Variants in CHRNE observed in about 807,000 individuals in gnomAD.
CHRNE encodes acetylcholine receptor subunit epsilon.
Under a neutral mutation model 56.5 loss-of-function variants are expected in CHRNE, and 58 were observed. The observed-to-expected ratio is 1.03, with a 90% confidence interval of 0.83 to 1.28. CHRNE has a LOEUF of 1.28. Among genes scored for constraint, CHRNE ranks in the 50% most tolerant of loss-of-function variants. CHRNE has a pLI of 0.00. For synonymous variants in CHRNE, 385 were observed against 297.9 expected (o/e 1.29, Z -3.01); for missense variants, 793 against 688.9 (o/e 1.15, Z -1.69).
chr17:4,905,275 A>AC (rs1970076859), upstream of CHRNE, among the ~76,000 whole-genome samples: 2 of 152,206 alleles, frequency 1.3e-5, no homozygotes, highest in African/African-American at 4.8e-5. Flanking sequence ...TTGGCCAGGC[A>AC]CAGTGGCTCA....
At chr17:4,901,220 G>C (rs780681661) in intron 6 of CHRNE, 30 bp from the exon 7 acceptor site, 10 of 1,592,740 alleles carry the variant, frequency 6.3e-6, no homozygotes, top group Non-Finnish European at 7.7e-6. Context: ...TCAGCTGGCT[G>C]TCAGAGCGGG....
At chr17:4,906,546 CA>C (rs1268684213), upstream of CHRNE, among the ~76,000 whole-genome samples, 6 of 152,022 alleles carry the variant, frequency 3.9e-5, no homozygotes, top group Non-Finnish European at 7.4e-5. Flanking sequence ...AGACGCTTCT[CA>C]AAATAAGACA....
upstream of CHRNE, among the ~76,000 whole-genome samples, chr17:4,906,281 T>A (rs1451808034): frequency 6.6e-6 from 1 of 152,130 alleles, no homozygotes. Flanking sequence ...ACACCACATG[T>A]CTGGTAATTC....
At chr17:4,904,912 C>G (rs1297791350), upstream of CHRNE, among the ~76,000 whole-genome samples, 2 of 152,206 alleles carry the variant, frequency 1.3e-5, no homozygotes, top group African/African-American at 4.8e-5. Flanking sequence ...CCATTTCAGA[C>G]TCCCTTTCTG....
At chr17:4,904,944 C>T (rs1450678423), upstream of CHRNE, among the ~76,000 whole-genome samples, 1 of 152,234 alleles carries the variant, frequency 6.6e-6, no homozygotes, top group African/African-American at 2.4e-5. Context: ...CCCAGCTTAC[C>T]TCTTTGCATG....
chr17:4,904,760 C>A (rs560120131), upstream of CHRNE, among the ~76,000 whole-genome samples: 43 of 152,298 alleles, frequency 2.8e-4, no homozygotes, highest in African/African-American at 9.1e-4. Context: ...TTTGGGTCTC[C>A]TTCCCCCACC....
At chr17:4,903,374 G>A (rs775757987), upstream of CHRNE, among the ~76,000 whole-genome samples, 1 of 152,178 alleles carries the variant, frequency 6.6e-6, no homozygotes, top group African/African-American at 2.4e-5. Context: ...AGCAGGGGGT[G>A]GGAGACACTG....
intron 8 of CHRNE, 95 bp from the exon 9 acceptor site, chr17:4,899,677 G>A: frequency 6.9e-7 from 1 of 1,442,936 alleles, no homozygotes; most frequent in South Asian, 1.2e-5. Context: ...TCCTGGTACG[G>A]GCTGGTTACG....
Position 4,902,006 on chromosome 17 carries a change from G to A in CHRNE, c.426C>T (p.Ala142=), listed in dbSNP as rs1970007044. The change falls in exon 5 of 12, where the codon GCC becomes GCT. Residue 142 remains alanine, a synonymous_variant. Transcript: ENST00000649488. The surrounding 1 kb of genome is among the most constrained non-coding windows in gnomAD (Gnocchi z 4.0). ...CCACTGCGCAGACGCTGCGGTAGAT[G>A]GCCGGAGGCAGCCACGTCACGGAGC... The part of the protein sequence containing the change: ...EGGSVTWLPP[A]IYRSVCAVEV... 2 of 1,614,096 alleles carry A rather than the reference G, an allele frequency of 1.2e-6. No homozygotes were observed. Among genetic ancestry groups the A allele is most frequent in the East Asian group, 2.2e-5 (1 of 44,880 alleles).
rs1225537395 is a variant in CHRNE, at chr17:4,902,376, G to T, written c.235-50C>A. The T allele has an allele frequency of 6.2e-7, 1 of 1,613,150 alleles. No individual in the cohort carries two copies. Among genetic ancestry groups the T allele is most frequent in the Non-Finnish European group, 8.5e-7 (1 of 1,179,058 alleles). On this transcript the variant is annotated intron_variant, in intron 3 of 11. Transcript: ENST00000649488. The surrounding 1 kb of genome is among the most constrained non-coding windows in gnomAD (Gnocchi z 4.0). ...GCGTGCCCTGCATCTCCCACCTGGCGCTGCCTGGGAGGGGTTTGGGGGAAA... is the reference window on the plus strand; with the variant it reads ...GCGTGCCCTGCATCTCCCACCTGGCTCTGCCTGGGAGGGGTTTGGGGGAAA...
Position 4,902,830 on chromosome 17 carries a change from C to T in CHRNE, c.47-67G>A, listed in dbSNP as rs1970035052. On this transcript the variant is annotated intron_variant, in intron 1 of 11. Coordinates refer to ENST00000649488, the MANE Select transcript of CHRNE (RefSeq NM_000080.4). This position sits in a 1 kb window ranked among gnomAD's most constrained non-coding sequence, Gnocchi z 4.0. The stretch of plus-strand genomic sequence containing the variant: ...GGCTGGAGCACCTCTCTCCCCTCTG[C>T]CTCCCCTGGGTCCTCACAGGCCTCT... 1 of 1,611,086 alleles carries T rather than the reference C, an allele frequency of 6.2e-7. No homozygotes were observed. The highest frequency in any genetic ancestry group is 1.3e-5 in the African/African-American group (1 of 74,836).
At chr17:4,905,980 G>T (rs944788390), upstream of CHRNE, among the ~76,000 whole-genome samples, 2 of 152,194 alleles carry the variant, frequency 1.3e-5, no homozygotes, top group Non-Finnish European at 2.9e-5. Flanking sequence ...ATCTGTCTCT[G>T]CCGCTCTGTC....
In CHRNE at chr17:4,903,013, C is replaced by G. The variant is rs375802288; in HGVS notation, c.46+5G>C. On this transcript the variant is annotated splice_donor_5th_base_variant and intron_variant, in intron 1 of 11. Transcript: ENST00000649488. ...TCCAATTGCCCCTCTAGCCCCTGTC[C>G]GTACCGAGAAGCCCCAAGAGGAGCA... 3 of 1,614,084 alleles carry G rather than the reference C, an allele frequency of 1.9e-6. No individual in the cohort carries two copies. In the African/African-American group the frequency reaches 4.0e-5, roughly 22 times the overall value.
At chr17:4,905,311 G>A (rs964287197), upstream of CHRNE, among the ~76,000 whole-genome samples, 1 of 152,164 alleles carries the variant, frequency 6.6e-6, no homozygotes, top group African/African-American at 2.4e-5. Flanking sequence ...CTATTTGGGA[G>A]GCTGAGGCTG....
intron 10 of CHRNE, 41 bp from the exon 11 acceptor site, chr17:4,899,148 C>G (rs750406946): frequency 6.3e-7 from 1 of 1,596,886 alleles, no homozygotes; most frequent in Non-Finnish European, 8.5e-7. Flanking sequence ...GGAGCCTCCC[C>G]CCTGGCAGGC....
At position 4,899,538 on chromosome 17, in the gene CHRNE, T is replaced by C. The variant is rs1280283697; in HGVS notation, c.962A>G (p.Asn321Ser). The change falls in exon 9 of 12, where the codon AAT (asparagine) becomes AGT (serine). Residue 321 changes from asparagine (N) to serine (S), a missense_variant. By Grantham distance (46) the Asn-to-Ser change is conservative. Coordinates refer to ENST00000649488, the MANE Select transcript of CHRNE (RefSeq NM_000080.4). ...VMVVATLIVM[N>S]CVIVLNVSQR... ...GGACACGTTGAGCACGATGACGCAATTCATGACAATGAGCGTGGCGACCAC... is the reference window on the plus strand; with the variant it reads ...GGACACGTTGAGCACGATGACGCAACTCATGACAATGAGCGTGGCGACCAC... 1 of 1,603,270 alleles carries C rather than the reference T, an allele frequency of 6.2e-7. No individual in the cohort carries two copies. The highest frequency in any genetic ancestry group is 8.5e-7 in the Non-Finnish European group (1 of 1,175,996).
intron 5 of CHRNE, 84 bp downstream of exon 5, chr17:4,901,839 CCCCGCCCCG>C: frequency 2.5e-6 from 4 of 1,569,200 alleles, no homozygotes; most frequent in Non-Finnish European, 3.5e-6. Flanking sequence ...CAGCGCGAAG[CCCCGCCCCG>C]AGGGCGGTGC....
Position 4,899,007 on chromosome 17 carries a change from G to A in CHRNE, c.1320C>T (p.Thr440=), listed in dbSNP as rs1292101958. 1.8e-5 allele frequency: 28 copies of A among 1,598,970 alleles called. No homozygotes were observed. Among genetic ancestry groups the A allele is most frequent in the African/African-American group, 2.7e-5 (2 of 74,784 alleles). The change falls in exon 11 of 12, where the codon ACC becomes ACT. Residue 440 remains threonine, a synonymous_variant. Transcript: ENST00000649488. The part of the protein sequence containing the change: ...VAESTRDQEA[T]GEEVSDWVRM... ...CCTCTGGCTCCTGTCCCACCTCGCC[G>A]GTGGCCTCCTGATCTCTCGTGCTCT...
chr17:4,901,639 G>A lies in CHRNE; in HGVS notation c.501-14C>T. 6.2e-7 allele frequency: 1 copy of A among 1,611,740 alleles called. No homozygotes were observed. Among genetic ancestry groups the A allele is most frequent in the South Asian group, 1.1e-5 (1 of 91,056 alleles). On this transcript the variant is annotated splice_polypyrimidine_tract_variant and intron_variant, in intron 5 of 11. Transcript: ENST00000649488. ...TACGTCTGAGAGCTGCGGAGCCAGG[G>A]CCGGGAGCCCACCCCAGAAGCTCTG...
Sources: allele counts gnomAD v4.1 joint callset (sites outside exome capture counted in the v4.1 genomes callset), GRCh38; gene constraint gnomAD v4.1.1; non-coding constraint Gnocchi (gnomAD v3.1); transcripts MANE v1.5; gene names NCBI Gene and HGNC (gene_info 2026-07-23, HGNC 2026-07-21).